The following CCDC152 variants were observed in gnomAD, a reference collection of about 807,000 sequenced individuals.
CCDC152 encodes coiled-coil domain containing 152.
A neutral mutation model predicts 38.1 loss-of-function variants in CCDC152; 37 were observed. The ratio of observed to expected loss-of-function variants is 0.97; its 90% CI spans 0.75 to 1.28. The LOEUF is 1.28. Ranked by LOEUF, CCDC152 falls within the 50% of genes most tolerant of loss-of-function variation. CCDC152 has a pLI of 0.00. For missense variants in CCDC152, 259 were observed against 292.1 expected, an observed-to-expected ratio of 0.89 and a Z score of 0.83; for synonymous variants, 83 against 87.1, an observed-to-expected ratio of 0.95 and a Z score of 0.26.
chr5:42,761,706 C>T (rs1759556309), intron 2 of CCDC152, among the ~76,000 whole-genome samples: 1 of 152,120 alleles, frequency 6.6e-6, no homozygotes, highest in African/African-American at 2.4e-5. Context: ...AGCCAAGGCA[C>T]AGAACAGAAT....
intron 7 of CCDC152, among the ~76,000 whole-genome samples, 179 bp downstream of exon 7, chr5:42,797,135 C>T (rs1200446963): frequency 6.6e-6 from 1 of 152,256 alleles, no homozygotes; most frequent in Non-Finnish European, 1.5e-5. Context: ...CAACTGTCAT[C>T]TGCATTGCCT....
chr5:42,757,791 T>C (rs1267387567), intron 1 of CCDC152, among the ~76,000 whole-genome samples: 4 of 151,954 alleles, frequency 2.6e-5, no homozygotes, highest in Non-Finnish European at 4.4e-5. Context: ...TGAGAGAAAA[T>C]CAAGCTCAAA....
intron 6 of CCDC152, among the ~76,000 whole-genome samples, chr5:42,785,004 T>C (rs1286759012): frequency 2.6e-5 from 4 of 152,170 alleles, no homozygotes; most frequent in African/African-American, 4.8e-5. Flanking sequence ...TTGGCTATTA[T>C]AGCCTTGTAG....
At chr5:42,763,321 T>A (rs1369454090) in intron 3 of CCDC152, among the ~76,000 whole-genome samples, 1 of 152,172 alleles carries the variant, frequency 6.6e-6, no homozygotes, top group African/African-American at 2.4e-5. Flanking sequence ...AAATAAATGA[T>A]TTAATAAATA....
At position 42,779,372 on chromosome 5, in the gene CCDC152, A is replaced by AT. The variant is rs1371543224; in HGVS notation, c.263-85dup. The AT allele has an allele frequency of 3.7e-6, 3 of 804,528 alleles. No individual in the cohort carries two copies. In the African/African-American group the frequency reaches 5.2e-5, roughly 14 times the overall value. 49.8% of individuals were successfully genotyped at this position (804,528 alleles called of 1,614,324 possible). ...GGATGCATGTTTGTTGAATGCATAC[A>AT]TAATGGAAGCTAAAATGTTGAACAT... On this transcript the variant is annotated intron_variant, in intron 4 of 8. Coordinates refer to ENST00000361970, the MANE Select transcript of CCDC152 (RefSeq NM_001134848.2).
rs1180521604 is a variant in CCDC152, at chr5:42,779,539, T to C, written c.327+17T>C. The C allele has an allele frequency of 1.5e-6, 2 of 1,354,700 alleles. No individual in the cohort carries two copies. Among genetic ancestry groups the C allele is most frequent in the Non-Finnish European group, 2.1e-6 (2 of 972,886 alleles). The allele number at this position is 1,354,700 out of a possible 1,614,324, so 83.9% of individuals were successfully genotyped here. On this transcript the variant is annotated intron_variant, in intron 5 of 8. Coordinates refer to ENST00000361970, the MANE Select transcript of CCDC152 (RefSeq NM_001134848.2). ...CATGAACAGGTGAGTTTATGTATCA[T>C]TCTATTCAGTCAAGTCCCTGTGGAG...
chr5:42,790,441 T>G (rs1029710530), intron 6 of CCDC152, among the ~76,000 whole-genome samples: 5 of 152,216 alleles, frequency 3.3e-5, no homozygotes, highest in African/African-American at 1.2e-4. Context: ...TGAAACATTA[T>G]TACTGGGACT....
intron 4 of CCDC152, among the ~76,000 whole-genome samples, chr5:42,774,037 T>C (rs1047997872): frequency 2.0e-5 from 3 of 152,152 alleles, no homozygotes; most frequent in Non-Finnish European, 4.4e-5. Context: ...TAACAACAAG[T>C]AAAACATTGA....
intron 4 of CCDC152, among the ~76,000 whole-genome samples, chr5:42,778,708 G>A (rs1233642000): frequency 6.6e-6 from 1 of 151,958 alleles, no homozygotes. Context: ...TGCCGCTGAC[G>A]TAATTTAGGT....
intron 2 of CCDC152, among the ~76,000 whole-genome samples, chr5:42,762,041 G>A (rs948386891): frequency 6.6e-6 from 1 of 152,126 alleles, no homozygotes; most frequent in African/African-American, 2.4e-5. Flanking sequence ...AAACCTAAAT[G>A]GTGTAGCCTA....
At chr5:42,774,958 T>C (rs1490512226) in intron 4 of CCDC152, among the ~76,000 whole-genome samples, 1 of 151,564 alleles carries the variant, frequency 6.6e-6, no homozygotes, top group Admixed American at 6.6e-5. Context: ...AAATAATTTC[T>C]CAGTTTCAGG....
chr5:42,758,993 C>A, intron 1 of CCDC152, 127 bp from the exon 2 acceptor site: 1 of 599,208 alleles, frequency 1.7e-6, no homozygotes, highest in Non-Finnish European at 2.8e-6. Flanking sequence ...TCTCGCAGTG[C>A]AATGGAGCCC....
At chr5:42,794,836 T>C (rs1237242177) in intron 6 of CCDC152, among the ~76,000 whole-genome samples, 1 of 152,212 alleles carries the variant, frequency 6.6e-6, no homozygotes, top group African/African-American at 2.4e-5. Flanking sequence ...GTACTAATTT[T>C]ATTAAATTCT....
At chr5:42,794,904 G>T (rs923526836) in intron 6 of CCDC152, among the ~76,000 whole-genome samples, 4 of 151,842 alleles carry the variant, frequency 2.6e-5, no homozygotes, top group Admixed American at 6.5e-5. Context: ...AAGAATAAAA[G>T]AATATTTATC....
At chr5:42,767,950 G>A (rs546551914) in intron 3 of CCDC152, among the ~76,000 whole-genome samples, 3 of 152,268 alleles carry the variant, frequency 2.0e-5, no homozygotes, top group South Asian at 2.1e-4. Flanking sequence ...TAATTTAACC[G>A]TTATTCTCTT....
intron 7 of CCDC152, among the ~76,000 whole-genome samples, chr5:42,798,642 C>T (rs1760113700): frequency 1.3e-5 from 2 of 152,226 alleles, no homozygotes; most frequent in African/African-American, 4.8e-5. Flanking sequence ...CTGGTATACA[C>T]AGCTCCTTAT....
In CCDC152 at chr5:42,800,561, T is replaced by A. The variant is rs1221637953; in HGVS notation, c.*780T>A. 4 of 834,092 alleles carry A rather than the reference T, an allele frequency of 4.8e-6. No individual in the cohort carries two copies. The African/African-American group carries it at 6.9e-5, about 14-fold the overall frequency. The allele number at this position is 834,092 out of a possible 1,614,324, so 51.7% of individuals were successfully genotyped here. A position where few individuals can be genotyped will look rare whatever the true frequency, so the allele number is the denominator to read the frequency against. On this transcript the variant is annotated 3_prime_UTR_variant, in exon 9 of 9. Transcript: ENST00000361970. ...AATATGGTTTGAGTCAATATTTCTA[T>A]GACATAAAATTTAAAATCTGGAAGC...
At chr5:42,778,653 A>G (rs1397244022) in intron 4 of CCDC152, among the ~76,000 whole-genome samples, 1 of 151,818 alleles carries the variant, frequency 6.6e-6, no homozygotes, top group Admixed American at 6.6e-5. Flanking sequence ...AGGTAATTCT[A>G]TCATCTAAAT....
chr5:42,781,543 A>ATG (rs1759844384), intron 5 of CCDC152, among the ~76,000 whole-genome samples: 1 of 119,022 alleles, frequency 8.4e-6, no homozygotes, highest in Admixed American at 9.3e-5. Flanking sequence ...ACTGAGAAAA[A>ATG]TGCGCGCGCG....
Sources: allele counts gnomAD v4.1 joint callset (sites outside exome capture counted in the v4.1 genomes callset), GRCh38; gene constraint gnomAD v4.1.1; transcripts MANE v1.5; gene names NCBI Gene and HGNC (gene_info 2026-07-23, HGNC 2026-07-21).